The following SEMA5B variants were observed in gnomAD, a reference collection of about 807,000 sequenced individuals.
SEMA5B encodes the protein semaphorin 5B.
In SEMA5B, 66 loss-of-function variants were observed where a neutral mutation model predicts 135.0. The ratio of observed to expected loss-of-function variants is 0.49; its 90% CI spans 0.40 to 0.60. The LOEUF (loss-of-function observed/expected upper bound fraction) is 0.60. Among genes scored for constraint, SEMA5B ranks in the 20% least tolerant of loss-of-function variants. The probability of loss-of-function intolerance (pLI) is 0.00; values close to 1 mark genes in which losing one functional copy is unlikely to be tolerated. For synonymous variants in SEMA5B, 690 were observed against 639.5 expected (o/e 1.08, Z -1.19); for missense variants, 1,501 against 1,566.3 (o/e 0.96, Z 0.70).
At chr3:123,011,643 C>T (rs1942440106) in intron 1 of SEMA5B, among the ~76,000 whole-genome samples, 1 of 152,204 alleles carries the variant, frequency 6.6e-6, no homozygotes, top group African/African-American at 2.4e-5. Flanking sequence ...ATGCCTGCAT[C>T]CTGGGAGCTC....
chr3:122,966,368 C>T (rs1353246553), intron 1 of SEMA5B, among the ~76,000 whole-genome samples: 1 of 150,040 alleles, frequency 6.7e-6, no homozygotes, highest in Non-Finnish European at 1.5e-5. Flanking sequence ...CAGAGAAGAG[C>T]CCCTCCTAAA....
In SEMA5B at chr3:122,913,865, C is replaced by G. The variant is rs1937916758; in HGVS notation, c.2125G>C (p.Glu709Gln). The G allele has an allele frequency of 1.9e-6, 3 of 1,606,520 alleles. No individual in the cohort carries two copies. The highest frequency in any genetic ancestry group is 2.6e-6 in the Non-Finnish European group (3 of 1,176,208). ...AAGCCTGTTCTCCCTCACCGTTCCT[C>G]CCGGCTCTTGCCCACGCAGATGCGG... ...GGRICVGKSR[E>Q]ERFCNENTPC... The change falls in exon 15 of 23, where the codon GAG (glutamate) becomes CAG (glutamine). Residue 709 changes from glutamate to glutamine, a missense_variant. Glu to Gln is a conservative substitution (Grantham distance 29). This residue lies in a region of SEMA5B where 927 missense variants were observed against 881.6 expected (regional missense o/e 1.05). Transcript: ENST00000357599.
intron 1 of SEMA5B, among the ~76,000 whole-genome samples, chr3:122,970,136 C>T (rs1285010655): frequency 6.6e-6 from 1 of 151,846 alleles, no homozygotes; most frequent in Non-Finnish European, 1.5e-5. Flanking sequence ...AGCAGGTGGG[C>T]AGCCAAGTGA....
intron 2 of SEMA5B, among the ~76,000 whole-genome samples, 178 bp downstream of exon 2, chr3:122,960,962 C>T (rs755856514): frequency 3.3e-5 from 5 of 152,126 alleles, no homozygotes; most frequent in Non-Finnish European, 1.5e-5. Flanking sequence ...GGTTAAATGG[C>T]CAATTTCATG....
intron 1 of SEMA5B, among the ~76,000 whole-genome samples, chr3:122,990,531 G>C (rs957138234): frequency 3.3e-5 from 5 of 149,342 alleles, no homozygotes; most frequent in African/African-American, 1.3e-4. Context: ...GCACTCATGA[G>C]CTGTCTTCTC....
intron 22 of SEMA5B, 106 bp downstream of exon 22, chr3:122,910,734 C>T (rs1467976302): frequency 5.6e-6 from 5 of 892,968 alleles, no homozygotes; most frequent in African/African-American, 1.7e-5. Context: ...GGCGTGAACC[C>T]GGGAGGCAGA....
intron 1 of SEMA5B, among the ~76,000 whole-genome samples, chr3:123,005,890 G>T (rs912468256): frequency 6.6e-6 from 1 of 152,196 alleles, no homozygotes; most frequent in Non-Finnish European, 1.5e-5. Flanking sequence ...GCCCCTGCAT[G>T]GCCAGAGATT....
chr3:123,019,705 G>A (rs529350512), intron 1 of SEMA5B, among the ~76,000 whole-genome samples: 7 of 152,208 alleles, frequency 4.6e-5, no homozygotes, highest in African/African-American at 9.7e-5. Context: ...ATAAACCACA[G>A]CTGTTTTTAC....
chr3:122,922,206 G>T (rs374000430), intron 11 of SEMA5B, 34 bp downstream of exon 11: 1 of 1,586,498 alleles, frequency 6.3e-7, no homozygotes. Context: ...ACCCACCCCC[G>T]ACCTGCAGTC....
chr3:123,019,963 G>C lies in SEMA5B; in HGVS notation c.-39+7501C>G, dbSNP rs111325949. ...GAAGCAGTCAGCGCGAAGCCTCAGA[G>C]GAGAGCAGTGAAAAGTGTTTCTTAA... On this transcript the variant is annotated intron_variant, in intron 1 of 22. Coordinates refer to ENST00000357599, the MANE Select transcript of SEMA5B (RefSeq NM_001031702.4). 2.6e-3 allele frequency among the ~76,000 whole-genome samples: 396 copies of C among 152,314 alleles called. 4 individuals are homozygous for C. The highest frequency in any genetic ancestry group is 9.0e-3 in the African/African-American group (376 of 41,554).
intron 22 of SEMA5B, among the ~76,000 whole-genome samples, chr3:122,910,528 G>A (rs902013465): frequency 5.9e-5 from 9 of 152,092 alleles, no homozygotes; most frequent in Admixed American, 5.2e-4. Context: ...GAAGGCTCCC[G>A]GCCGGGCGCG....
chr3:122,984,262 C>T (rs1941626195), intron 1 of SEMA5B, among the ~76,000 whole-genome samples: 1 of 152,210 alleles, frequency 6.6e-6, no homozygotes, highest in Non-Finnish European at 1.5e-5. Flanking sequence ...GGGAACTCTC[C>T]CCTCAGGTCT....
intron 1 of SEMA5B, among the ~76,000 whole-genome samples, chr3:122,974,294 C>T (rs1941234428): frequency 6.6e-6 from 1 of 152,218 alleles, no homozygotes; most frequent in Non-Finnish European, 1.5e-5. Flanking sequence ...CCCCCTCGCT[C>T]CTGCACACAC....
chr3:122,974,468 C>A (rs1400360596), intron 1 of SEMA5B, among the ~76,000 whole-genome samples: 2 of 152,270 alleles, frequency 1.3e-5, no homozygotes, highest in East Asian at 3.8e-4. Flanking sequence ...TGCAGCCTCA[C>A]TGCTGCCCCA....
chr3:122,948,255 C>T (rs1232200084), intron 3 of SEMA5B, among the ~76,000 whole-genome samples: 1 of 152,186 alleles, frequency 6.6e-6, no homozygotes, highest in Admixed American at 6.5e-5. Flanking sequence ...CCCCTTACCC[C>T]AGGTTGGCAT....
chr3:122,959,475 C>T (rs368404759), intron 2 of SEMA5B, among the ~76,000 whole-genome samples: 16 of 152,216 alleles, frequency 1.1e-4, no homozygotes, highest in East Asian at 3.9e-4. Flanking sequence ...TTGCAGATGG[C>T]GAAAATCTCA....
At chr3:122,925,478 C>G (rs1376454293) in intron 9 of SEMA5B, among the ~76,000 whole-genome samples, 2 of 152,048 alleles carry the variant, frequency 1.3e-5, no homozygotes, top group African/African-American at 4.8e-5. Flanking sequence ...ACCATCCTGG[C>G]TAACACAGTG....
At chr3:122,940,989 A>G (rs1194570114) in intron 4 of SEMA5B, among the ~76,000 whole-genome samples, 1 of 152,362 alleles carries the variant, frequency 6.6e-6, no homozygotes, top group Non-Finnish European at 1.5e-5. Context: ...AAAATCATTC[A>G]TCACAACATC....
At chr3:122,952,047 AC>A (rs1300046702) in intron 2 of SEMA5B, among the ~76,000 whole-genome samples, 1 of 152,020 alleles carries the variant, frequency 6.6e-6, no homozygotes, top group Non-Finnish European at 1.5e-5. Context: ...CCTGGTCTGC[AC>A]CCCACAGGGA....
Sources: gnomAD v4.1 joint callset for allele counts (sites outside exome capture counted in the v4.1 genomes callset) on GRCh38, gnomAD v4.1.1 for gene constraint, gnomAD v4.1.1 regional missense constraint, MANE v1.5 for transcripts, NCBI Gene and HGNC (gene_info 2026-07-23, HGNC 2026-07-21) for gene names.